Variants in WDR37 observed in about 807,000 individuals in gnomAD.
The protein encoded by WDR37 is WD repeat domain 37, also known as WD repeat-containing protein 37.
In WDR37, 19 loss-of-function variants were observed where a neutral mutation model predicts 62.9. The ratio of observed to expected loss-of-function variants is 0.30; its 90% CI spans 0.21 to 0.44. The LOEUF is 0.44. Among genes scored for constraint, WDR37 ranks in the 20% least tolerant of loss-of-function variants. The pLI, the probability that WDR37 is intolerant of heterozygous loss-of-function variation, is 1.00. For missense variants in WDR37, 474 were observed against 657.6 expected, an observed-to-expected ratio of 0.72 and a Z score of 3.05; for synonymous variants, 250 against 260.9, an observed-to-expected ratio of 0.96 and a Z score of 0.40.
chr10:1,059,344 C>G (rs527682028), intron 1 of WDR37, among the ~76,000 whole-genome samples: 33 of 152,292 alleles, frequency 2.2e-4, no homozygotes, highest in African/African-American at 5.3e-4. Context: ...CCACTGCCCT[C>G]CAGCCTGGGG....
At chr10:1,058,921 A>G (rs1046809882) in intron 1 of WDR37, among the ~76,000 whole-genome samples, 2 of 152,266 alleles carry the variant, frequency 1.3e-5, no homozygotes, top group African/African-American at 4.8e-5. Flanking sequence ...CCACATGGAC[A>G]TTATATTCCT....
At position 1,090,138 on chromosome 10, in the gene WDR37, T is replaced by C. The variant is rs577033815; in HGVS notation, c.605-3314T>C. ...CCCGCCACCACGCCTGGCTAAATTTTGTATTTTTTTAAAATTTATTTTTAA... is the reference window on the plus strand; with the variant it reads ...CCCGCCACCACGCCTGGCTAAATTTCGTATTTTTTTAAAATTTATTTTTAA... On this transcript the variant is annotated intron_variant, in intron 7 of 13. Coordinates refer to ENST00000263150, the MANE Select transcript of WDR37 (RefSeq NM_014023.4). Among the ~76,000 whole-genome samples the C allele has an allele frequency of 1.7e-4, 26 of 152,252 alleles. No homozygotes were observed. In the East Asian group the frequency reaches 4.4e-3, roughly 26 times the overall value.
chr10:1,105,433 C>A lies in WDR37; in HGVS notation c.1103+166C>A, dbSNP rs1454178454. ...TATTCTTTTTCTAAACATTTAGCTC[C>A]ATTTTGGCTATTTCAAAGGATGTAG... is the stretch of plus-strand genomic sequence containing the variant. On this transcript the variant is annotated intron_variant, in intron 11 of 13. Transcript: ENST00000263150. This position sits in a 1 kb window ranked among gnomAD's most constrained non-coding sequence, Gnocchi z 5.3. Among the ~76,000 whole-genome samples the A allele has an allele frequency of 6.6e-6, 1 of 152,164 alleles. No individual in the cohort carries two copies. The highest frequency in any genetic ancestry group is 2.4e-5 in the African/African-American group (1 of 41,452).
chr10:1,111,223 TTAGTA>T (rs770881757), intron 11 of WDR37, among the ~76,000 whole-genome samples: 3 of 152,344 alleles, frequency 2.0e-5, no homozygotes, highest in African/African-American at 7.2e-5. Flanking sequence ...CGTAAATTCT[TTAGTA>T]TAGTATGTTG....
intron 2 of WDR37, among the ~76,000 whole-genome samples, chr10:1,075,183 G>C (rs1399210022): frequency 1.3e-5 from 2 of 152,128 alleles, no homozygotes; most frequent in Non-Finnish European, 2.9e-5. Flanking sequence ...CCCTCTAGTG[G>C]GACAAGTCCT....
rs375375189 is a variant in WDR37 at position 1,073,876 on chromosome 10, C to T, written c.138+1583C>T. On this transcript the variant is annotated intron_variant, in intron 2 of 13. Coordinates refer to ENST00000263150, the MANE Select transcript of WDR37 (RefSeq NM_014023.4). ...TTATGACCTCATTTTACTCTCACCA[C>T]CTCTTTCAGGGCCCTGCTTCCAAAC... Among the ~76,000 whole-genome samples, 131 of 152,330 alleles carry T rather than the reference C, an allele frequency of 8.6e-4. 2 individuals carry two copies. The South Asian group carries it at 0.027, about 31-fold the overall frequency.
chr10:1,080,453 A>G lies in WDR37; in HGVS notation c.373A>G (p.Thr125Ala), dbSNP rs2131625525. The stretch of plus-strand genomic sequence containing the variant: ...CCAGCTCTCCCAGAAACTGAAGACC[A>G]CTTACAAGGCTTCCACCAGCAAGGT... ...TSQLSQKLKTTYKASTSKIVS... is the reference protein window; with the variant it reads ...TSQLSQKLKTAYKASTSKIVS... The change falls in exon 5 of 14, where the codon ACT becomes GCT. Residue 125 changes from threonine (T) to alanine (A), a missense_variant. Thr to Ala is a moderately conservative substitution (Grantham distance 58). Transcript: ENST00000263150. The G allele has an allele frequency of 6.2e-7, 1 of 1,614,196 alleles. No individual in the cohort carries two copies. Among genetic ancestry groups the G allele is most frequent in the Non-Finnish European group, 8.5e-7 (1 of 1,180,038 alleles).
chr10:1,067,532 C>A (rs1394992330), intron 1 of WDR37, among the ~76,000 whole-genome samples: 3 of 152,144 alleles, frequency 2.0e-5, no homozygotes, highest in Non-Finnish European at 2.9e-5. Flanking sequence ...ACATATAATT[C>A]ATACTATAGA....
rs368326262 is a variant in WDR37 at position 1,099,768 on chromosome 10, C to T, written c.726+3522C>T. 3.0e-5 allele frequency among the ~76,000 whole-genome samples: 4 copies of T among 134,792 alleles called. No homozygotes were observed. In the East Asian group the frequency reaches 8.9e-4, roughly 30 times the overall value. The allele number at this position is 134,792 out of a possible 152,430, so 88.4% of individuals were successfully genotyped here. On this transcript the variant is annotated intron_variant, in intron 9 of 13. Transcript: ENST00000263150. Reference sequence around the variant, plus strand: ...GTGTGCACTGATGGTGTGGCGGAGACGTGAGGAGGGTGAGCATTGATGCTT... The same window carrying T: ...GTGTGCACTGATGGTGTGGCGGAGATGTGAGGAGGGTGAGCATTGATGCTT...
chr10:1,121,075 A>G lies in WDR37; in HGVS notation c.1104-3143A>G, dbSNP rs1285165371. Among the ~76,000 whole-genome samples the G allele has an allele frequency of 6.6e-6, 1 of 152,202 alleles. No individual in the cohort carries two copies. Among genetic ancestry groups the G allele is most frequent in the Non-Finnish European group, 1.5e-5 (1 of 68,036 alleles). On this transcript the variant is annotated intron_variant, in intron 11 of 13. Coordinates refer to ENST00000263150, the MANE Select transcript of WDR37 (RefSeq NM_014023.4). The surrounding 1 kb of genome is among the most constrained non-coding windows in gnomAD (Gnocchi z 4.5). The stretch of plus-strand genomic sequence containing the variant: ...GCAGCGTCGGAACCATTTCCAGTGC[A>G]CGGCCGTGCGCGCCAGCCTCCCCAT...
intron 13 of WDR37, among the ~76,000 whole-genome samples, chr10:1,128,588 G>A (rs576674931): frequency 6.6e-6 from 1 of 152,356 alleles, no homozygotes; most frequent in African/African-American, 2.4e-5. Flanking sequence ...AAGTCTTTGA[G>A]TGAATATCAT....
chr10:1,128,425 A>G (rs1835867348), intron 13 of WDR37, among the ~76,000 whole-genome samples: 1 of 152,254 alleles, frequency 6.6e-6, no homozygotes, highest in Admixed American at 6.5e-5. Flanking sequence ...TTTTGCAGTA[A>G]CTTTTCCAGC....
chr10:1,116,722 T>C (rs1835412744), intron 11 of WDR37, among the ~76,000 whole-genome samples: 1 of 152,190 alleles, frequency 6.6e-6, no homozygotes, highest in Admixed American at 6.5e-5. Context: ...AGAACTGTAG[T>C]GGGCAGCAGT....
At chr10:1,074,705 G>C (rs191814186) in intron 2 of WDR37, among the ~76,000 whole-genome samples, 1 of 152,238 alleles carries the variant, frequency 6.6e-6, no homozygotes, top group East Asian at 1.9e-4. Flanking sequence ...GAGTGGGCTC[G>C]TTCTAGACAG....
intron 1 of WDR37, among the ~76,000 whole-genome samples, chr10:1,069,389 A>ATTTTTTTTTTTTTTTTTTT (rs377212232): frequency 1.3e-4 from 12 of 95,770 alleles, no homozygotes; most frequent in Non-Finnish European, 1.7e-4. Flanking sequence ...ATATATATAT[A>ATTTTTTTTTTTTTTTTTTT]TTTTTTTTTT....
intron 11 of WDR37, among the ~76,000 whole-genome samples, chr10:1,117,316 A>T (rs1033462285): frequency 1.3e-5 from 2 of 152,146 alleles, no homozygotes; most frequent in African/African-American, 4.8e-5. Flanking sequence ...CAGCCTCCAA[A>T]GTGCTGGGAT....
intron 5 of WDR37, among the ~76,000 whole-genome samples, chr10:1,082,982 G>A (rs1255242785): frequency 6.6e-6 from 1 of 152,160 alleles, no homozygotes; most frequent in East Asian, 1.9e-4. Flanking sequence ...ATGGTGAGAG[G>A]CCTGGAAAAT....
intron 3 of WDR37, among the ~76,000 whole-genome samples, chr10:1,079,433 T>C (rs1833963565): frequency 6.7e-6 from 1 of 149,410 alleles, no homozygotes; most frequent in Non-Finnish European, 1.5e-5. Context: ...GGAAACTATG[T>C]TGAAATGCGG....
chr10:1,100,891 C>T (rs1311137642), intron 9 of WDR37, among the ~76,000 whole-genome samples: 1 of 152,182 alleles, frequency 6.6e-6, no homozygotes, highest in Non-Finnish European at 1.5e-5. Flanking sequence ...CCTCTGCCAG[C>T]CTTGTGAGCC....
Sources: allele counts gnomAD v4.1 joint callset (sites outside exome capture counted in the v4.1 genomes callset), GRCh38; gene constraint gnomAD v4.1.1; non-coding constraint Gnocchi (gnomAD v3.1); transcripts MANE v1.5; gene names NCBI Gene and HGNC (gene_info 2026-07-23, HGNC 2026-07-21).